Variants in TNKS observed in about 807,000 individuals in gnomAD.
TNKS encodes poly [ADP-ribose] polymerase tankyrase-1.
TNKS carries 72 observed loss-of-function variants against 135.8 expected under a neutral mutation model. The ratio of observed to expected loss-of-function variants is 0.53; its 90% CI spans 0.44 to 0.64. TNKS has a LOEUF of 0.64. Ranked by LOEUF, TNKS falls within the 30% of genes least tolerant of loss-of-function variation. The pLI is 0.00. For synonymous variants in TNKS, 849 were observed against 649.3 expected (o/e 1.31, Z -4.68); for missense variants, 1,769 against 1,674.0 (o/e 1.06, Z -0.99).
At chr8:9,717,072 A>ATATATAT (rs376229840) in intron 11 of TNKS, among the ~76,000 whole-genome samples, 6,656 of 79,340 alleles carry the variant, frequency 0.084, 1,221 homozygotes, top group Non-Finnish European at 0.12. Flanking sequence ...GTTGTATTAT[A>ATATATAT]ATATATATAT....
At position 9,676,712 on chromosome 8, in the gene TNKS, T is replaced by TTG. The variant is rs1411822324; in HGVS notation, c.995-3229_995-3228dup. On this transcript the variant is annotated intron_variant, in intron 3 of 26. Coordinates refer to ENST00000310430, the MANE Select transcript of TNKS (RefSeq NM_003747.3). ...TGTGTGTGTGTGTGTGTGTGTGTGTTTGTGTGTGTGTATGTATCTTTGCTT... is the reference window on the plus strand; with the variant it reads ...TGTGTGTGTGTGTGTGTGTGTGTGTTTGTGTGTGTGTGTATGTATCTTTGCTT... Among the ~76,000 whole-genome samples the TTG allele has an allele frequency of 8.3e-3, 568 of 68,450 alleles. 6 individuals carry two copies. The highest frequency in any genetic ancestry group is 0.029 in the African/African-American group (529 of 18,226). 44.9% of individuals were successfully genotyped at this position (68,450 alleles called of 152,430 possible).
chr8:9,654,202 T>C lies in TNKS; in HGVS notation c.995-25749T>C, dbSNP rs183578328. Among the ~76,000 whole-genome samples the C allele has an allele frequency of 1.6e-3, 238 of 152,286 alleles. 1 individual carries two copies. Among genetic ancestry groups the C allele is most frequent in the African/African-American group, 5.2e-3 (215 of 41,558 alleles). On this transcript the variant is annotated intron_variant, in intron 3 of 26. Coordinates refer to ENST00000310430, the MANE Select transcript of TNKS (RefSeq NM_003747.3). ...CTGCACCAGAATCACAAGATCTCAA[T>C]AGAGGAGAGCAATTCCCCAAATCAT...
At chr8:9,703,791 A>G (rs1054615398) in intron 5 of TNKS, among the ~76,000 whole-genome samples, 6 of 152,228 alleles carry the variant, frequency 3.9e-5, no homozygotes, top group Non-Finnish European at 7.4e-5. Flanking sequence ...TAAAGCCTGT[A>G]TGAAAAACCC....
At chr8:9,658,409 A>T in intron 3 of TNKS, 6 of 1,302,676 alleles carry the variant, frequency 4.6e-6, no homozygotes, top group Non-Finnish European at 5.1e-6. Context: ...GCTGAACTCC[A>T]TCCTCCCGGC....
intron 9 of TNKS, among the ~76,000 whole-genome samples, 161 bp downstream of exon 9, chr8:9,708,653 G>C (rs1051157525): frequency 1.3e-5 from 2 of 151,994 alleles, no homozygotes; most frequent in Admixed American, 6.6e-5. Context: ...AGTTTGGGGG[G>C]TGATTCTTTT....
chr8:9,616,981 G>A (rs1274970728), intron 3 of TNKS, among the ~76,000 whole-genome samples: 1 of 152,028 alleles, frequency 6.6e-6, no homozygotes, highest in Non-Finnish European at 1.5e-5. Context: ...ATAGTAACAG[G>A]GGTAGGTTAT....
In TNKS at chr8:9,776,988, T is replaced by C; in HGVS notation, c.*252T>C. ...TATCTCAGGCTCATTTTCATTGCAA[T>C]TATCCATTTCTAAAACAAGATTGCT... is the stretch of plus-strand genomic sequence containing the variant. On this transcript the variant is annotated 3_prime_UTR_variant, in exon 27 of 27. Coordinates refer to ENST00000310430, the MANE Select transcript of TNKS (RefSeq NM_003747.3). The C allele has an allele frequency of 2.2e-6, 1 of 455,060 alleles. No homozygotes were observed. Among genetic ancestry groups the C allele is most frequent in the Non-Finnish European group, 3.9e-6 (1 of 254,386 alleles). 28.2% of individuals were successfully genotyped at this position (455,060 alleles called of 1,614,324 possible).
chr8:9,717,219 C>T (rs1804659415), intron 11 of TNKS, among the ~76,000 whole-genome samples: 1 of 150,318 alleles, frequency 6.7e-6, no homozygotes, highest in Non-Finnish European at 1.5e-5. Context: ...GTTCACAACA[C>T]ATTAAAGGAT....
intron 5 of TNKS, among the ~76,000 whole-genome samples, chr8:9,691,664 A>G (rs1803277863): frequency 6.6e-6 from 1 of 152,198 alleles, no homozygotes; most frequent in East Asian, 1.9e-4. Context: ...GTTTCTAGCT[A>G]AGGTAGTTGC....
At chr8:9,660,250 A>G (rs1801630627) in intron 3 of TNKS, among the ~76,000 whole-genome samples, 2 of 152,226 alleles carry the variant, frequency 1.3e-5, no homozygotes, top group African/African-American at 2.4e-5. Flanking sequence ...GGCCAGCATC[A>G]TCCTGATACC....
intron 3 of TNKS, among the ~76,000 whole-genome samples, chr8:9,660,800 C>A (rs1187622206): frequency 6.6e-6 from 1 of 152,074 alleles, no homozygotes; most frequent in Non-Finnish European, 1.5e-5. Flanking sequence ...TCAGATTGTC[C>A]CTGTTTGCAG....
rs1460609025 is a variant in TNKS, at chr8:9,779,122, CAT to C, written c.*2391_*2392del. 6.6e-6 allele frequency: 1 copy of C among 152,246 alleles called. No individual in the cohort carries two copies. Among genetic ancestry groups the C allele is most frequent in the African/African-American group, 2.4e-5 (1 of 41,314 alleles). 9.4% of individuals were successfully genotyped at this position (152,246 alleles called of 1,614,324 possible). Reference sequence around the variant, plus strand: ...ATATAGTAGTTCTTGAAAGAGTGTGCATATATTACTCATCTGCTTAAGAGAGT... The same window carrying C: ...ATATAGTAGTTCTTGAAAGAGTGTGCATATTACTCATCTGCTTAAGAGAGT... On this transcript the variant is annotated 3_prime_UTR_variant, in exon 27 of 27. Transcript: ENST00000310430.
chr8:9,660,444 A>G (rs908044762), intron 3 of TNKS, among the ~76,000 whole-genome samples: 2 of 152,232 alleles, frequency 1.3e-5, no homozygotes, highest in African/African-American at 4.8e-5. Context: ...TACGAAAATC[A>G]ATAAACGTAA....
chr8:9,724,204 C>A (rs1359233344), intron 12 of TNKS, among the ~76,000 whole-genome samples: 1 of 152,162 alleles, frequency 6.6e-6, no homozygotes, highest in South Asian at 2.1e-4. Context: ...AATCCCTGCA[C>A]TTTGGGAGGC....
chr8:9,672,435 G>A (rs1442791150), intron 3 of TNKS, among the ~76,000 whole-genome samples: 1 of 151,878 alleles, frequency 6.6e-6, no homozygotes, highest in African/African-American at 2.4e-5. Context: ...GTGCTGTGTA[G>A]CTGTGTACAC....
intron 17 of TNKS, 77 bp from the exon 18 acceptor site, chr8:9,747,947 T>C (rs892679576): frequency 1.5e-6 from 2 of 1,349,848 alleles, no homozygotes; most frequent in Non-Finnish European, 2.0e-6. Flanking sequence ...AATTGTTAAA[T>C]AAAAACAGGT....
At chr8:9,719,496 A>T (rs7009596) in intron 11 of TNKS, among the ~76,000 whole-genome samples, 133,168 of 152,222 alleles carry the variant, frequency 0.87, 58,746 homozygotes, top group Non-Finnish European at 0.93. Flanking sequence ...ATAAGACAGT[A>T]AAGTGCTAAA....
At position 9,580,213 on chromosome 8, in the gene TNKS, A is replaced by G. The variant is rs1195757721; in HGVS notation, c.728A>G (p.His243Arg). 6.2e-7 allele frequency: 1 copy of G among 1,614,176 alleles called. No individual in the cohort carries two copies. The highest frequency in any genetic ancestry group is 1.1e-5 in the South Asian group (1 of 91,086). The change falls in exon 2 of 27, where the codon CAC (histidine) becomes CGC (arginine). Residue 243 changes from histidine to arginine, a missense_variant. Coordinates refer to ENST00000310430, the MANE Select transcript of TNKS (RefSeq NM_003747.3). ...EHLLQMGANV[H>R]ARDDGGLIPL... ...TTACTACAGATGGGTGCTAATGTCC[A>G]CGCTCGTGATGATGGAGGTCTCATC... is the stretch of plus-strand genomic sequence containing the variant.
rs771087448 is a variant in TNKS, at chr8:9,556,209, C to T, written c.270C>T (p.Cys90=). ...ACCCGGTTGACGGTACCAGCTGTTG[C>T]AGTACCACCAGCACAATCTGTACCG... ...SPDPVDGTSC[C]STTSTICTVA... Residue 90 remains cysteine, a synonymous_variant, in exon 1 of 27, where the codon TGC becomes TGT. Coordinates refer to ENST00000310430, the MANE Select transcript of TNKS (RefSeq NM_003747.3). 40 of 1,614,006 alleles carry T rather than the reference C, an allele frequency of 2.5e-5. No individual in the cohort carries two copies. The highest frequency in any genetic ancestry group is 3.0e-5 in the Non-Finnish European group (35 of 1,180,044).
Sources: allele counts gnomAD v4.1 joint callset (sites outside exome capture counted in the v4.1 genomes callset), GRCh38; gene constraint gnomAD v4.1.1; transcripts MANE v1.5; gene names NCBI Gene and HGNC (gene_info 2026-07-23, HGNC 2026-07-21).